The following AK5 variants were observed in gnomAD, a reference collection of about 807,000 sequenced individuals.
AK5 encodes adenylate kinase isoenzyme 5.
In AK5, 27 loss-of-function variants were observed where a neutral mutation model predicts 69.5. The observed-to-expected ratio is 0.39, with a 90% CI of 0.29 to 0.54. The LOEUF is 0.54. AK5 is among the 20% of genes least tolerant of loss of function. The pLI, the probability that AK5 is intolerant of heterozygous loss-of-function variation, is 0.71. For missense variants in AK5, 531 were observed against 700.4 expected (o/e 0.76, Z 2.73); for synonymous variants, 260 against 244.4 (o/e 1.06, Z -0.60).
At chr1:77,426,396 A>G (rs911262609) in intron 8 of AK5, among the ~76,000 whole-genome samples, 1 of 152,248 alleles carries the variant, frequency 6.6e-6, no homozygotes, top group Non-Finnish European at 1.5e-5. Context: ...AAAGCATTAC[A>G]TAATGATAAA....
intron 6 of AK5, among the ~76,000 whole-genome samples, chr1:77,343,921 A>G (rs181304055): frequency 6.6e-6 from 1 of 152,318 alleles, no homozygotes; most frequent in Non-Finnish European, 1.5e-5. Context: ...AGAAATCCAA[A>G]ATGAATAGGT....
chr1:77,433,144 C>T (rs779774217), intron 8 of AK5, among the ~76,000 whole-genome samples: 33 of 152,056 alleles, frequency 2.2e-4, no homozygotes, highest in Non-Finnish European at 3.8e-4. Flanking sequence ...AGAGTTGCAG[C>T]CAAATATTGA....
chr1:77,445,683 C>G (rs987050535), intron 8 of AK5, among the ~76,000 whole-genome samples: 1 of 152,184 alleles, frequency 6.6e-6, no homozygotes, highest in African/African-American at 2.4e-5. Context: ...CTCCCAGGTT[C>G]AAGCGATTCT....
At chr1:77,430,509 C>T (rs946056473) in intron 8 of AK5, among the ~76,000 whole-genome samples, 1 of 152,038 alleles carries the variant, frequency 6.6e-6, no homozygotes, top group African/African-American at 2.4e-5. Flanking sequence ...GTCTGGTGTT[C>T]AGAGGAAATA....
chr1:77,508,186 T>G (rs193182406), intron 10 of AK5, among the ~76,000 whole-genome samples: 1 of 152,336 alleles, frequency 6.6e-6, no homozygotes, highest in African/African-American at 2.4e-5. Context: ...TAAGGAGTGC[T>G]CCAACCTGTA....
At chr1:77,348,767 A>G (rs1337451012) in intron 6 of AK5, among the ~76,000 whole-genome samples, 1 of 152,108 alleles carries the variant, frequency 6.6e-6, no homozygotes, top group South Asian at 2.1e-4. Flanking sequence ...CCACACACAC[A>G]CACAAACACA....
intron 7 of AK5, among the ~76,000 whole-genome samples, chr1:77,411,611 C>G (rs1022534398): frequency 6.6e-6 from 1 of 152,088 alleles, no homozygotes; most frequent in Non-Finnish European, 1.5e-5. Context: ...TGTCCTGACC[C>G]CCCTCTCATT....
intron 6 of AK5, among the ~76,000 whole-genome samples, chr1:77,367,509 T>A (rs1646973009): frequency 7.4e-6 from 1 of 134,612 alleles, no homozygotes. Flanking sequence ...TTTGTTTTTT[T>A]GTAGAGACAG....
intron 8 of AK5, among the ~76,000 whole-genome samples, chr1:77,473,898 T>C (rs541869859): frequency 1.3e-5 from 2 of 152,274 alleles, no homozygotes; most frequent in Non-Finnish European, 2.9e-5. Flanking sequence ...CACTCACACA[T>C]GCTCTGAGCC....
intron 5 of AK5, among the ~76,000 whole-genome samples, chr1:77,330,436 T>G (rs1355030383): frequency 6.7e-6 from 1 of 148,964 alleles, no homozygotes; most frequent in African/African-American, 2.5e-5. Context: ...ATGTAGGGAG[T>G]CCAGAGTCAT....
intron 13 of AK5, among the ~76,000 whole-genome samples, chr1:77,538,469 T>A (rs1215027672): frequency 6.6e-6 from 1 of 151,776 alleles, no homozygotes; most frequent in Non-Finnish European, 1.5e-5. Flanking sequence ...GATTTCCACC[T>A]TTTGAGCAGC....
chr1:77,523,119 T>C (rs565263210), intron 12 of AK5, among the ~76,000 whole-genome samples: 6 of 152,192 alleles, frequency 3.9e-5, no homozygotes, highest in Admixed American at 3.9e-4. Context: ...GGGGTTTACT[T>C]TGACCTCCTT....
intron 6 of AK5, among the ~76,000 whole-genome samples, chr1:77,373,885 T>A (rs981613126): frequency 6.6e-6 from 1 of 152,222 alleles, no homozygotes; most frequent in Non-Finnish European, 1.5e-5. Context: ...CTTCATTTTT[T>A]AAATTATTGC....
At chr1:77,314,186 G>T (rs41292262) in intron 5 of AK5, 28,712 of 287,546 alleles carry the variant, frequency 0.1, 1,984 homozygotes, top group East Asian at 0.2. Flanking sequence ...TGGAGGCTAC[G>T]TTTTCAAGGA....
intron 10 of AK5, among the ~76,000 whole-genome samples, chr1:77,491,049 T>C (rs554042032): frequency 8.5e-5 from 13 of 152,138 alleles, no homozygotes; most frequent in Non-Finnish European, 1.3e-4. Context: ...GGGACACACG[T>C]GGCCTGGTGT....
intron 12 of AK5, among the ~76,000 whole-genome samples, chr1:77,524,990 T>C (rs148688479): frequency 2.3e-4 from 35 of 152,330 alleles, no homozygotes; most frequent in African/African-American, 7.5e-4. Context: ...CACTGCAACC[T>C]CTACCTACCA....
intron 13 of AK5, among the ~76,000 whole-genome samples, chr1:77,540,057 G>A (rs565489087): frequency 2.0e-5 from 3 of 152,276 alleles, no homozygotes; most frequent in Non-Finnish European, 4.4e-5. Context: ...TGCTGACATT[G>A]AACCCATCAT....
chr1:77,288,130 T>A (rs368736056), intron 2 of AK5, among the ~76,000 whole-genome samples: 17 of 152,370 alleles, frequency 1.1e-4, no homozygotes, highest in East Asian at 7.7e-4. Context: ...GTTGGAGAAG[T>A]AAACTTGTTT....
intron 6 of AK5, among the ~76,000 whole-genome samples, chr1:77,402,103 A>G (rs1649253417): frequency 6.6e-6 from 1 of 152,176 alleles, no homozygotes; most frequent in South Asian, 2.1e-4. Flanking sequence ...GCAACTTTAG[A>G]CATCATCTGG....
Sources: gnomAD v4.1 joint callset for allele counts (sites outside exome capture counted in the v4.1 genomes callset) on GRCh38, gnomAD v4.1.1 for gene constraint, MANE v1.5 for transcripts, NCBI Gene and HGNC (gene_info 2026-07-23, HGNC 2026-07-21) for gene names.